AOX1: variants seen among roughly 807,000 people sequenced by gnomAD.
AOX1 encodes the protein aldehyde oxidase.
AOX1 carries 153 observed loss-of-function variants against 169.5 expected under a neutral mutation model. The ratio of observed to expected loss-of-function variants is 0.90; its 90% CI spans 0.79 to 1.03. AOX1 has a LOEUF of 1.03. Ranked by LOEUF, AOX1 falls within the 50% of genes least tolerant of loss-of-function variation. The pLI, the probability that AOX1 is intolerant of heterozygous loss-of-function variation, is 0.00. For missense variants in AOX1, 1,656 were observed against 1,663.9 expected (o/e 1.00, Z 0.08); for synonymous variants, 562 against 581.9 (o/e 0.97, Z 0.49).
In AOX1 at chr2:200,670,851, T is replaced by C. The variant is rs74376425; in HGVS notation, c.*172T>C. 5.9e-3 allele frequency: 3,248 copies of C among 547,796 alleles called. 83 individuals are homozygous for C. The highest frequency in any genetic ancestry group is 0.054 in the African/African-American group (2,884 of 53,582). The allele number at this position is 547,796 out of a possible 1,614,324, so 33.9% of individuals were successfully genotyped here. ...TTTAAAGTATTCCATTTAGATTTGA[T>C]AGATATGCTTAAGCAATCTATAAAT... On this transcript the variant is annotated 3_prime_UTR_variant, in exon 35 of 35. Coordinates refer to ENST00000374700, the MANE Select transcript of AOX1 (RefSeq NM_001159.4).
chr2:200,674,408 G>GC (rs777643835), downstream of AOX1, among the ~76,000 whole-genome samples: 24 of 150,832 alleles, frequency 1.6e-4, no homozygotes, highest in Non-Finnish European at 3.2e-4. Context: ...AAATGGTTTG[G>GC]CCAGCTGGTC....
intron 32 of AOX1, among the ~76,000 whole-genome samples, chr2:200,667,751 C>A (rs987721551): frequency 6.6e-6 from 1 of 151,728 alleles, no homozygotes; most frequent in Non-Finnish European, 1.5e-5. Context: ...CTGGGGACTG[C>A]CAGGGGTGGG....
chr2:200,657,190 A>ATATATATATATATATATTT, intron 27 of AOX1, among the ~76,000 whole-genome samples: 18 of 62,870 alleles, frequency 2.9e-4, no homozygotes, highest in East Asian at 1.8e-3. Context: ...ATATATATAT[A>ATATATATATATATATATTT]TTTTTTTTTT....
Position 200,628,925 on chromosome 2 carries a change from TCAAACAAA to T in AOX1, c.2221+1497_2221+1504del, listed in dbSNP as rs201174501. 7.6e-3 allele frequency among the ~76,000 whole-genome samples: 1,157 copies of T among 151,986 alleles called. 12 individuals carry two copies. Among genetic ancestry groups the T allele is most frequent in the African/African-American group, 0.026 (1,091 of 41,430 alleles). On this transcript the variant is annotated intron_variant, in intron 20 of 34. Coordinates refer to ENST00000374700, the MANE Select transcript of AOX1 (RefSeq NM_001159.4). ...CTGGGTGACAGAAGGAGACTCCATC[TCAAACAAA>T]CAAACAAACAAACAAACAAAAAACA...
intron 16 of AOX1, among the ~76,000 whole-genome samples, chr2:200,617,806 G>A (rs2034795572): frequency 6.6e-6 from 1 of 152,112 alleles, no homozygotes; most frequent in African/African-American, 2.4e-5. Context: ...ATGTGGTTCA[G>A]GTTGAGAGCC....
At chr2:200,632,954 TG>T (rs1223568527) in intron 20 of AOX1, among the ~76,000 whole-genome samples, 1 of 150,668 alleles carries the variant, frequency 6.6e-6, no homozygotes, top group Non-Finnish European at 1.5e-5. Context: ...TGGAGTGCAG[TG>T]GTGTGATATC....
downstream of AOX1, among the ~76,000 whole-genome samples, chr2:200,679,952 G>A (rs1204548276): frequency 2.6e-5 from 4 of 152,104 alleles, no homozygotes; most frequent in Admixed American, 2.6e-4. Flanking sequence ...ATAGTGGTGT[G>A]TGCCTGTTAT....
intron 20 of AOX1, among the ~76,000 whole-genome samples, chr2:200,633,981 C>A (rs2035178171): frequency 6.6e-6 from 1 of 152,078 alleles, no homozygotes; most frequent in African/African-American, 2.4e-5. Context: ...GCTGGGACAC[C>A]TCATTGCAGC....
intron 1 of AOX1, among the ~76,000 whole-genome samples, chr2:200,586,771 T>G (rs546267752): frequency 6.6e-6 from 1 of 152,342 alleles, no homozygotes; most frequent in South Asian, 2.1e-4. Flanking sequence ...GTTCCACTGC[T>G]GGGTGCGGGC....
chr2:200,645,695 G>C (rs2035440338), intron 25 of AOX1, among the ~76,000 whole-genome samples: 1 of 151,966 alleles, frequency 6.6e-6, no homozygotes, highest in South Asian at 2.1e-4. Flanking sequence ...GAATCCTTCT[G>C]GTCCTGGACT....
Position 200,641,104 on chromosome 2 carries a change from T to G in AOX1, c.2575T>G (p.Phe859Val), listed in dbSNP as rs766596324. 1.7e-5 allele frequency: 27 copies of G among 1,613,106 alleles called. No homozygotes were observed. The highest frequency in any genetic ancestry group is 2.3e-5 in the Non-Finnish European group (27 of 1,179,310). Reference sequence around the variant, plus strand: ...TATCGGTTCTCTTCCCCAGGCTGGATTCATGAACGATGGCAGAATCTTGGC... The same window carrying G: ...TATCGGTTCTCTTCCCCAGGCTGGAGTCATGAACGATGGCAGAATCTTGGC... ...HPYLGKYKAG[F>V]MNDGRILALD... Residue 859 changes from phenylalanine to valine, a missense_variant, in exon 24 of 35, where the codon TTC (phenylalanine) becomes GTC (valine). Phe to Val is a conservative substitution (Grantham distance 50). Transcript: ENST00000374700.
intron 17 of AOX1, 134 bp from the exon 18 acceptor site, chr2:200,620,986 C>T (rs1486462123): frequency 7.5e-7 from 1 of 1,339,900 alleles, no homozygotes; most frequent in Non-Finnish European, 1.0e-6. Flanking sequence ...ACTTCGTTGT[C>T]CCAAGAATTT....
chr2:200,593,043 A>G, intron 1 of AOX1, 103 bp from the exon 2 acceptor site: 1 of 866,156 alleles, frequency 1.2e-6, no homozygotes, highest in Non-Finnish European at 1.9e-6. Flanking sequence ...AAATATGAGT[A>G]AAAGGGCTAA....
At chr2:200,678,456 T>C (rs1261639330), downstream of AOX1, 1 of 152,206 alleles carries the variant, frequency 6.6e-6, no homozygotes, top group Non-Finnish European at 1.5e-5. Context: ...ATATTTGTCC[T>C]GCCAAAAGAA....
At chr2:200,599,129 G>A (rs1466154981) in intron 4 of AOX1, among the ~76,000 whole-genome samples, 4 of 152,198 alleles carry the variant, frequency 2.6e-5, no homozygotes, top group African/African-American at 9.7e-5. Context: ...ATGCTAGGGG[G>A]AGGGAAACGT....
At chr2:200,664,472 GA>G (rs2035890408) in intron 31 of AOX1, among the ~76,000 whole-genome samples, 1 of 152,204 alleles carries the variant, frequency 6.6e-6, no homozygotes, top group South Asian at 2.1e-4. Flanking sequence ...AAAAGTTGGT[GA>G]AAACTTAGTC....
chr2:200,599,578 G>A, intron 4 of AOX1, 42 bp from the exon 5 acceptor site: 1 of 1,556,904 alleles, frequency 6.4e-7, no homozygotes, highest in Non-Finnish European at 8.7e-7. Context: ...GGCCTGGGAT[G>A]GGGCCCCAAA....
intron 26 of AOX1, among the ~76,000 whole-genome samples, chr2:200,655,878 C>T (rs1483765833): frequency 6.6e-6 from 1 of 152,166 alleles, no homozygotes; most frequent in Non-Finnish European, 1.5e-5. Context: ...TTCCATCAAC[C>T]TTCACTTAAT....
rs747889762 is a variant in AOX1 at position 200,611,451 on chromosome 2, T to A, written c.1221T>A (p.Pro407=). Residue 407 remains proline (P), a synonymous_variant, in exon 13 of 35, where the codon CCT becomes CCA. Transcript: ENST00000374700. ...AGTGCCCTAATGCAGATCTTAAGCC[T>A]CAAGAAATCTTGGTCTCAGTGAACA... ...LSKCPNADLK[P]QEILVSVNIP... 3 of 1,613,986 alleles carry A rather than the reference T, an allele frequency of 1.9e-6. No individual in the cohort carries two copies. Among genetic ancestry groups the A allele is most frequent in the Non-Finnish European group, 1.7e-6 (2 of 1,179,862 alleles).
Sources: allele counts gnomAD v4.1 joint callset (sites outside exome capture counted in the v4.1 genomes callset), GRCh38; gene constraint gnomAD v4.1.1; transcripts MANE v1.5; gene names NCBI Gene and HGNC (gene_info 2026-07-23, HGNC 2026-07-21).